Variants in SYNE2 observed in about 807,000 individuals in gnomAD.
SYNE2 encodes the protein spectrin repeat containing nuclear envelope protein 2.
In SYNE2, 431 loss-of-function variants were observed where a neutral mutation model predicts 856.3. That is an observed-to-expected ratio of 0.50 (90% CI 0.47 to 0.55). SYNE2 has a LOEUF of 0.55. Among genes scored for constraint, SYNE2 ranks in the 20% least tolerant of loss-of-function variants. The pLI is 0.00. For synonymous variants in SYNE2, 2,923 were observed against 2,872.3 expected (o/e 1.02, Z -0.56); for missense variants, 8,129 against 8,023.2 (o/e 1.01, Z -0.50).
At chr14:64,173,982 C>G (rs1173663732) in intron 94 of SYNE2, 3 of 681,556 alleles carry the variant, frequency 4.4e-6, no homozygotes, top group Non-Finnish European at 7.9e-6. Flanking sequence ...GCGGAGCGGC[C>G]CTGCTCTGCA....
intron 97 of SYNE2, among the ~76,000 whole-genome samples, chr14:64,187,064 A>G (rs1596082644): frequency 6.6e-6 from 1 of 152,328 alleles, no homozygotes; most frequent in Admixed American, 6.5e-5. Context: ...GGTTTCTAAA[A>G]TCCTGTAAGA....
intron 3 of SYNE2, among the ~76,000 whole-genome samples, chr14:63,941,073 G>A (rs1426911615): frequency 6.6e-6 from 1 of 152,166 alleles, no homozygotes; most frequent in Non-Finnish European, 1.5e-5. Flanking sequence ...GAAATAGATA[G>A]TAATATACCT....
chr14:64,159,176 C>A (rs1206160475), intron 86 of SYNE2, 136 bp from the exon 87 acceptor site: 44 of 1,228,416 alleles, frequency 3.6e-5, no homozygotes, highest in Non-Finnish European at 4.9e-5. Flanking sequence ...TTGTTTTCTT[C>A]ACATTCCTAA....
chr14:63,950,050 T>C (rs745566279), intron 7 of SYNE2, 44 bp downstream of exon 7: 2 of 1,604,832 alleles, frequency 1.2e-6, no homozygotes, highest in African/African-American at 2.7e-5. Flanking sequence ...AGGGCAGCTG[T>C]ATCAACCAAC....
chr14:64,215,699 T>G, intron 107 of SYNE2: 1 of 433,538 alleles, frequency 2.3e-6, no homozygotes. Context: ...TTGGAACTGT[T>G]TCCTTGCTTT....
intron 32 of SYNE2, among the ~76,000 whole-genome samples, chr14:64,015,630 A>G (rs973082638): frequency 4.6e-5 from 7 of 152,054 alleles, no homozygotes; most frequent in Admixed American, 6.5e-5. Flanking sequence ...TTTTAAAAGA[A>G]CTAGCTCTTT....
rs758648485 is a variant in SYNE2 at position 63,819,001 on chromosome 14, AT to A, written c.-304-33490del. On this transcript the variant is annotated intron_variant, in intron 1 of 23. Transcript: ENST00000674003. ...GCGTGAGCCACTGCACCTGGCCCAAATTTTTTTTTTCAATATTGTACTAGGA... is the reference window on the plus strand; with the variant it reads ...GCGTGAGCCACTGCACCTGGCCCAAATTTTTTTTTCAATATTGTACTAGGA... Among the ~76,000 whole-genome samples the A allele has an allele frequency of 3.8e-4, 57 of 149,128 alleles. 1 individual carries two copies. Among genetic ancestry groups the A allele is most frequent in the Non-Finnish European group, 6.5e-4 (44 of 67,238 alleles).
At chr14:63,810,371 T>C (rs538160064) in intron 1 of SYNE2, among the ~76,000 whole-genome samples, 16 of 152,298 alleles carry the variant, frequency 1.1e-4, no homozygotes, top group African/African-American at 3.8e-4. Flanking sequence ...TGTATAAAGT[T>C]TGGTTATTGT....
At chr14:64,093,282 A>C in intron 60 of SYNE2, 67 bp from the exon 61 acceptor site, 2 of 1,585,624 alleles carry the variant, frequency 1.3e-6, no homozygotes, top group Non-Finnish European at 1.7e-6. Context: ...GGGCTAGACA[A>C]TGAAAATAGT....
chr14:64,159,064 G>A (rs774836345), intron 86 of SYNE2, among the ~76,000 whole-genome samples: 2 of 151,504 alleles, frequency 1.3e-5, no homozygotes, highest in African/African-American at 4.9e-5. Context: ...TTAAGGTTTT[G>A]GTTTTTGAGT....
chr14:64,169,405 C>T (rs2098399387), intron 93 of SYNE2, among the ~76,000 whole-genome samples: 1 of 152,240 alleles, frequency 6.6e-6, no homozygotes, highest in African/African-American at 2.4e-5. Flanking sequence ...AGGGCTTTCT[C>T]TCCATGCTAC....
chr14:64,096,321 G>A (rs1452040013), intron 61 of SYNE2, among the ~76,000 whole-genome samples: 4 of 152,256 alleles, frequency 2.6e-5, no homozygotes, highest in South Asian at 2.1e-4. Context: ...ATTAGGTGCC[G>A]GTAGTTTTAC....
At chr14:64,056,673 CT>C (rs34164335) in intron 49 of SYNE2, among the ~76,000 whole-genome samples, 106,664 of 145,142 alleles carry the variant, frequency 0.73, 40,927 homozygotes, top group Non-Finnish European at 0.86. Context: ...TTTTGTTGTA[CT>C]TTTTTTTTTT....
At chr14:64,202,150 G>C in intron 99 of SYNE2, 1 of 701,648 alleles carries the variant, frequency 1.4e-6, no homozygotes, top group South Asian at 1.5e-5. Flanking sequence ...TTAGAACTGC[G>C]CTTGCGTGCA....
At chr14:64,162,025 A>C in intron 87 of SYNE2, 47 bp from the exon 88 acceptor site, 2 of 1,609,096 alleles carry the variant, frequency 1.2e-6, no homozygotes, top group Non-Finnish European at 1.7e-6. Context: ...TTTCGCTACA[A>C]GAGAAAGGAG....
intron 45 of SYNE2, among the ~76,000 whole-genome samples, chr14:64,043,525 G>A (rs1303687914): frequency 6.6e-6 from 1 of 152,162 alleles, no homozygotes; most frequent in East Asian, 1.9e-4. Context: ...TTTGTGGGCT[G>A]GGCCCAGAGT....
chr14:63,881,889 T>C (rs2094873866), intron 1 of SYNE2, among the ~76,000 whole-genome samples: 1 of 152,210 alleles, frequency 6.6e-6, no homozygotes, highest in Non-Finnish European at 1.5e-5. Context: ...AGATAGACTA[T>C]TGAATTATGG....
chr14:63,805,056 T>A (rs192005378), intron 1 of SYNE2, among the ~76,000 whole-genome samples: 2 of 152,306 alleles, frequency 1.3e-5, no homozygotes, highest in African/African-American at 4.8e-5. Flanking sequence ...ATTGTAGGTG[T>A]GCAACTTTAT....
intron 62 of SYNE2, 145 bp from the exon 63 acceptor site, chr14:64,098,602 G>A (rs553053985): frequency 2.8e-5 from 22 of 791,172 alleles, no homozygotes; most frequent in Admixed American, 2.0e-4. Context: ...GGAGCTGAAC[G>A]GACCAGGAGA....
Sources: gnomAD v4.1 joint callset for allele counts (sites outside exome capture counted in the v4.1 genomes callset) on GRCh38, gnomAD v4.1.1 for gene constraint, MANE v1.5 for transcripts, NCBI Gene and HGNC (gene_info 2026-07-23, HGNC 2026-07-21) for gene names.